Variants in SHISA9 observed in about 807,000 individuals in gnomAD.
The protein encoded by SHISA9 is shisa family member 9.
Under a neutral mutation model 38.0 loss-of-function variants are expected in SHISA9, and 13 were observed. The ratio of observed to expected loss-of-function variants is 0.34; its 90% confidence interval spans 0.22 to 0.54. The LOEUF (loss-of-function observed/expected upper bound fraction) is 0.54. SHISA9 is among the 20% of genes least tolerant of loss of function. The pLI is 0.91. For synonymous variants in SHISA9, 275 were observed against 242.0 expected, an observed-to-expected ratio of 1.14 and a Z score of -1.27; for missense variants, 538 against 575.8, an observed-to-expected ratio of 0.93 and a Z score of 0.67.
chr16:13,466,480 G>A, the SHISA9 span, among the ~76,000 whole-genome samples: 3 of 152,148 alleles, frequency 2.0e-5, no homozygotes, highest in Non-Finnish European at 4.4e-5. Context: ...TAGGAATGAA[G>A]GTTTGGGTCA....
chr16:13,502,315 C>A, the SHISA9 span, among the ~76,000 whole-genome samples: 1 of 152,114 alleles, frequency 6.6e-6, no homozygotes, highest in Non-Finnish European at 1.5e-5. Context: ...CAGGATCCCA[C>A]ACTAACATCT....
Position 12,908,558 on chromosome 16 carries a change from G to A in SHISA9, c.563+5931G>A, listed in dbSNP as rs201299972. ...ACCTGCCCCTGGAGAGTGGAGTGTCGGACTTCAAACCTGGACAGTCTGAGT... is the reference window on the plus strand; with the variant it reads ...ACCTGCCCCTGGAGAGTGGAGTGTCAGACTTCAAACCTGGACAGTCTGAGT... On this transcript the variant is annotated intron_variant, in intron 1 of 4. Transcript: ENST00000558583. 371 of 1,551,776 alleles carry A rather than the reference G, an allele frequency of 2.4e-4. 2 individuals are homozygous for A. The highest frequency in any genetic ancestry group is 1.0e-3 in the Middle Eastern group (6 of 5,992).
At chr16:13,042,003 C>G (rs2073137330) in intron 2 of SHISA9, among the ~76,000 whole-genome samples, 3 of 152,174 alleles carry the variant, frequency 2.0e-5, no homozygotes. Flanking sequence ...TTGTGAGAGG[C>G]AAAGGGGATT....
the SHISA9 span, among the ~76,000 whole-genome samples, chr16:13,515,734 G>C: frequency 3.3e-5 from 5 of 152,150 alleles, no homozygotes; most frequent in African/African-American, 1.2e-4. Context: ...ATAAATACTT[G>C]TTTAATAAGT....
the SHISA9 span, chr16:13,331,462 T>C: frequency 6.6e-6 from 1 of 152,206 alleles, no homozygotes; most frequent in Admixed American, 6.5e-5. Flanking sequence ...TGTCTTTAAA[T>C]ATACCAAACA....
At chr16:13,400,764 C>T in the SHISA9 span, among the ~76,000 whole-genome samples, 6 of 152,302 alleles carry the variant, frequency 3.9e-5, no homozygotes, top group African/African-American at 1.2e-4. Flanking sequence ...ATCACATTGA[C>T]CCCCAATAAG....
At chr16:13,024,289 T>C (rs2072894189) in intron 2 of SHISA9, among the ~76,000 whole-genome samples, 1 of 152,176 alleles carries the variant, frequency 6.6e-6, no homozygotes, top group Non-Finnish European at 1.5e-5. Context: ...CCAGAACATC[T>C]CATTTGCAAC....
At chr16:13,227,973 G>C (rs1043972084) in intron 4 of SHISA9, among the ~76,000 whole-genome samples, 17 of 152,166 alleles carry the variant, frequency 1.1e-4, no homozygotes, top group African/African-American at 4.1e-4. Context: ...CTTTCTTAAG[G>C]CAGGGAATAG....
At chr16:13,167,712 A>G (rs153095) in intron 2 of SHISA9, among the ~76,000 whole-genome samples, 130,674 of 152,104 alleles carry the variant, frequency 0.86, 56,186 homozygotes, top group East Asian at 0.94. Context: ...CAGGTAAAAC[A>G]TGCCTGCTTT....
intron 1 of SHISA9, chr16:12,910,836 A>T (rs1408494080): frequency 1.6e-6 from 1 of 612,628 alleles, no homozygotes; most frequent in Non-Finnish European, 2.0e-6. Flanking sequence ...ACAAGTCTGA[A>T]GGCCGACAGG....
At chr16:13,478,793 G>A in the SHISA9 span, among the ~76,000 whole-genome samples, 5 of 152,168 alleles carry the variant, frequency 3.3e-5, no homozygotes, top group Non-Finnish European at 7.4e-5. Context: ...ATGCGGGCTC[G>A]AAGGCTGGAC....
At chr16:13,144,193 A>G (rs190617167) in intron 2 of SHISA9, among the ~76,000 whole-genome samples, 8 of 148,244 alleles carry the variant, frequency 5.4e-5, no homozygotes, top group African/African-American at 2.0e-4. Context: ...TCGCTCTGTC[A>G]TCAGGCTGGA....
intron 2 of SHISA9, among the ~76,000 whole-genome samples, chr16:12,954,163 G>T (rs2071797645): frequency 6.6e-6 from 1 of 152,212 alleles, no homozygotes; most frequent in Non-Finnish European, 1.5e-5. Context: ...TGTGGAAAAT[G>T]AGGAAATAGG....
intron 2 of SHISA9, among the ~76,000 whole-genome samples, chr16:12,917,969 C>T (rs2071279981): frequency 6.6e-6 from 1 of 152,040 alleles, no homozygotes; most frequent in Non-Finnish European, 1.5e-5. Flanking sequence ...CTGATTCTGC[C>T]TAGTGATGAT....
intron 4 of SHISA9, among the ~76,000 whole-genome samples, chr16:13,231,642 T>C (rs1228621436): frequency 6.6e-6 from 1 of 152,194 alleles, no homozygotes; most frequent in Non-Finnish European, 1.5e-5. Flanking sequence ...ACAAGGAATA[T>C]AAACTCAACT....
intron 2 of SHISA9, among the ~76,000 whole-genome samples, chr16:12,968,194 A>C (rs2072006679): frequency 3.8e-5 from 1 of 26,326 alleles, no homozygotes; most frequent in Non-Finnish European, 8.0e-5. Flanking sequence ...CATCTCAAAA[A>C]AAAAAAAAAA....
At chr16:13,503,333 A>G in the SHISA9 span, among the ~76,000 whole-genome samples, 2 of 152,190 alleles carry the variant, frequency 1.3e-5, no homozygotes, top group Admixed American at 6.5e-5. Flanking sequence ...TTGGTTATCT[A>G]TTGCTGAGTA....
the SHISA9 span, among the ~76,000 whole-genome samples, chr16:13,315,587 G>T: frequency 2.1e-4 from 32 of 152,292 alleles, 1 homozygote; most frequent in South Asian, 5.8e-3. Context: ...GTGTAATTAG[G>T]AAAGTTATGT....
chr16:13,243,604 G>A (rs1266194865), downstream of SHISA9, among the ~76,000 whole-genome samples: 2 of 152,044 alleles, frequency 1.3e-5, no homozygotes, highest in Admixed American at 6.6e-5. Flanking sequence ...TACCTAGCAG[G>A]CTTCAGAGAG....
Sources: allele counts gnomAD v4.1 joint callset (sites outside exome capture counted in the v4.1 genomes callset), GRCh38; gene constraint gnomAD v4.1.1; transcripts MANE v1.5; gene names NCBI Gene and HGNC (gene_info 2026-07-23, HGNC 2026-07-21).